The following ARID1B variants were observed in gnomAD, a reference collection of about 807,000 sequenced individuals.
ARID1B encodes the protein AT-rich interaction domain 1B.
Under a neutral mutation model 212.3 loss-of-function variants are expected in ARID1B, and 30 were observed. The observed-to-expected ratio is 0.14, with a 90% CI of 0.11 to 0.19. The LOEUF is 0.19. ARID1B is among the 10% of genes least tolerant of loss of function. ARID1B has a pLI of 1.00. For missense variants in ARID1B, 2,891 were observed against 3,204.0 expected (o/e 0.90, Z 2.36); for synonymous variants, 1,402 against 1,301.7 (o/e 1.08, Z -1.66).
At chr6:157,191,221 C>T (rs1323029021) in intron 15 of ARID1B, among the ~76,000 whole-genome samples, 1 of 151,810 alleles carries the variant, frequency 6.6e-6, no homozygotes, top group Non-Finnish European at 1.5e-5. Flanking sequence ...CAACTGGAGC[C>T]GGACACCAGC....
Position 157,207,903 on chromosome 6 carries a change from A to C in ARID1B, c.*12A>C. On this transcript the variant is annotated 3_prime_UTR_variant, in exon 20 of 20. Transcript: ENST00000636930. This position sits in a 1 kb window ranked among gnomAD's most constrained non-coding sequence, Gnocchi z 8.5. ...TTGGGCAGTTATGACATAAGTGAGA[A>C]GGCAAGCATGTGTGAGTGAAGATTA... The C allele has an allele frequency of 6.8e-7, 1 of 1,477,298 alleles. No homozygotes were observed. The highest frequency in any genetic ancestry group is 9.0e-7 in the Non-Finnish European group (1 of 1,110,776). The allele number at this position is 1,477,298 out of a possible 1,614,324, so 91.5% of individuals were successfully genotyped here.
chr6:157,089,045 C>T (rs1785122235), intron 5 of ARID1B, among the ~76,000 whole-genome samples: 1 of 152,218 alleles, frequency 6.6e-6, no homozygotes, highest in African/African-American at 2.4e-5. Flanking sequence ...TCATCACCTC[C>T]TCTCCATGTC....
intron 3 of ARID1B, among the ~76,000 whole-genome samples, chr6:156,905,822 C>A (rs1374679538): frequency 6.6e-6 from 1 of 151,846 alleles, no homozygotes; most frequent in Non-Finnish European, 1.5e-5. Context: ...TAAACTTTTT[C>A]TTTTTTTATC....
chr6:156,787,006 A>G (rs1779685902), intron 1 of ARID1B, among the ~76,000 whole-genome samples: 1 of 150,798 alleles, frequency 6.6e-6, no homozygotes, highest in Admixed American at 6.6e-5. Flanking sequence ...TCTGGTCAAC[A>G]ACAATTGTAG....
intron 4 of ARID1B, among the ~76,000 whole-genome samples, chr6:156,989,784 G>A (rs1191066584): frequency 6.6e-6 from 1 of 152,210 alleles, no homozygotes; most frequent in Non-Finnish European, 1.5e-5. Flanking sequence ...GCTGATGGCG[G>A]GGATAGTTGA....
At chr6:156,814,140 G>C (rs1354127591) in intron 1 of ARID1B, among the ~76,000 whole-genome samples, 1 of 152,172 alleles carries the variant, frequency 6.6e-6, no homozygotes, top group South Asian at 2.1e-4. Context: ...AATACATCTG[G>C]AGTGGTGGCT....
chr6:156,837,301 A>G (rs1384733037), intron 2 of ARID1B, among the ~76,000 whole-genome samples: 1 of 152,226 alleles, frequency 6.6e-6, no homozygotes, highest in Non-Finnish European at 1.5e-5. Context: ...GGAAGCAAAG[A>G]GAGATCTAGC....
chr6:156,828,397 G>C (rs1169047457), intron 1 of ARID1B, among the ~76,000 whole-genome samples: 1 of 152,166 alleles, frequency 6.6e-6, no homozygotes, highest in Non-Finnish European at 1.5e-5. Context: ...GGACAGAGGA[G>C]GGAAGGAAGG....
chr6:156,919,768 C>G (rs1365582610), intron 3 of ARID1B, among the ~76,000 whole-genome samples: 2 of 152,188 alleles, frequency 1.3e-5, no homozygotes, highest in Non-Finnish European at 2.9e-5. Context: ...GAGTTCAAGG[C>G]TGCAGTGAGC....
intron 2 of ARID1B, among the ~76,000 whole-genome samples, chr6:156,900,604 T>C (rs1788839586): frequency 6.6e-6 from 1 of 152,222 alleles, no homozygotes; most frequent in African/African-American, 2.4e-5. Context: ...CTCTTGAAAT[T>C]ACAGAAAAAG....
chr6:156,865,540 C>T (rs1250621956), intron 2 of ARID1B, among the ~76,000 whole-genome samples: 1 of 152,088 alleles, frequency 6.6e-6, no homozygotes, highest in Non-Finnish European at 1.5e-5. Flanking sequence ...TGTCTCAGTC[C>T]ATTTTAGTTC....
At position 157,148,690 on chromosome 6, in the gene ARID1B, G is replaced by T. The variant is rs1293969778; in HGVS notation, c.2828G>T (p.Gly943Val). The change falls in exon 8 of 20, where the codon GGT becomes GTT. Residue 943 changes from glycine (G) to valine (V), a missense_variant. Coordinates refer to ENST00000636930, the MANE Select transcript of ARID1B (RefSeq NM_001374828.1). This position sits in a 1 kb window ranked among gnomAD's most constrained non-coding sequence, Gnocchi z 5.6. ...GCAAGCTACAGCGGCCCAGGGCCCG[G>T]TATGGGTATCAGTGCCAACAACCAG... ...PSASYSGPGP[G>V]MGISANNQMH... 6.2e-7 allele frequency: 1 copy of T among 1,612,798 alleles called. No homozygotes were observed. Among genetic ancestry groups the T allele is most frequent in the Non-Finnish European group, 8.5e-7 (1 of 1,179,652 alleles).
chr6:156,850,919 C>T (rs1784541571), intron 2 of ARID1B, among the ~76,000 whole-genome samples: 1 of 152,310 alleles, frequency 6.6e-6, no homozygotes, highest in Non-Finnish European at 1.5e-5. Flanking sequence ...CAAAAATTCC[C>T]CCATCATCTT....
chr6:157,087,797 CT>C (rs1785044680), intron 5 of ARID1B, among the ~76,000 whole-genome samples: 1 of 107,596 alleles, frequency 9.3e-6, no homozygotes, highest in Non-Finnish European at 2.0e-5. Context: ...GCTCAGTTTT[CT>C]TCTAGAAAAA....
chr6:156,797,573 T>C (rs558901224), intron 1 of ARID1B, among the ~76,000 whole-genome samples: 1 of 152,332 alleles, frequency 6.6e-6, no homozygotes, highest in East Asian at 1.9e-4. Flanking sequence ...CGCAAGGTTC[T>C]TGACCTGACT....
intron 4 of ARID1B, among the ~76,000 whole-genome samples, chr6:157,083,162 T>C (rs1005856167): frequency 9.2e-5 from 14 of 152,198 alleles, no homozygotes; most frequent in African/African-American, 3.4e-4. Context: ...TAAAGCCCTA[T>C]TCTCAGAAGT....
chr6:156,841,889 T>C (rs562013714), intron 2 of ARID1B, among the ~76,000 whole-genome samples: 70 of 152,326 alleles, frequency 4.6e-4, no homozygotes, highest in African/African-American at 1.5e-3. Context: ...CCTTAGCGCC[T>C]GAACTCTGGG....
At chr6:156,807,414 T>A (rs1020271336) in intron 1 of ARID1B, among the ~76,000 whole-genome samples, 1 of 151,730 alleles carries the variant, frequency 6.6e-6, no homozygotes, top group African/African-American at 2.4e-5. Flanking sequence ...GTTCTTTAAT[T>A]TCCCCCCACT....
chr6:157,008,420 T>A (rs1236493776), intron 4 of ARID1B, among the ~76,000 whole-genome samples: 1 of 152,228 alleles, frequency 6.6e-6, no homozygotes, highest in Non-Finnish European at 1.5e-5. Flanking sequence ...ACCTCCATGC[T>A]GCTAAGTATT....
Sources: gnomAD v4.1 joint callset for allele counts (sites outside exome capture counted in the v4.1 genomes callset) on GRCh38, gnomAD v4.1.1 for gene constraint, Gnocchi (gnomAD v3.1) non-coding constraint, MANE v1.5 for transcripts, NCBI Gene and HGNC (gene_info 2026-07-23, HGNC 2026-07-21) for gene names.